Variants in SLC35F3 observed in about 807,000 individuals in gnomAD.
SLC35F3 encodes solute carrier family 35 member F3, also known as putative thiamine transporter SLC35F3.
In SLC35F3, 25 loss-of-function variants were observed where a neutral mutation model predicts 49.9. That is an observed-to-expected ratio of 0.50 (90% CI 0.37 to 0.70). The LOEUF (loss-of-function observed/expected upper bound fraction) is 0.70, where lower values mean the gene tolerates loss of function less well. SLC35F3 is among the 30% of genes least tolerant of loss of function. The pLI, the probability that SLC35F3 is intolerant of heterozygous loss-of-function variation, is 0.00. For synonymous variants in SLC35F3, 275 were observed against 265.4 expected (o/e 1.04, Z -0.35); for missense variants, 525 against 639.8 (o/e 0.82, Z 1.94).
At chr1:234,076,149 C>T (rs1664788413) in intron 2 of SLC35F3, among the ~76,000 whole-genome samples, 1 of 152,042 alleles carries the variant, frequency 6.6e-6, no homozygotes, top group African/African-American at 2.4e-5. Flanking sequence ...GGCAATAATT[C>T]ACTCCTCGGT....
chr1:234,205,144 C>A (rs1666951282), intron 2 of SLC35F3, among the ~76,000 whole-genome samples: 1 of 152,190 alleles, frequency 6.6e-6, no homozygotes, highest in African/African-American at 2.4e-5. Context: ...CCAATAGGGT[C>A]ATTTGGCAAT....
rs1664000109 is a variant in SLC35F3 at position 234,027,782 on chromosome 1, C to T, written c.283+122024C>T. On this transcript the variant is annotated intron_variant, in intron 2 of 7. Coordinates refer to ENST00000366618, the MANE Select transcript of SLC35F3 (RefSeq NM_173508.4). The surrounding 1 kb of genome is among the most constrained non-coding windows in gnomAD (Gnocchi z 4.1). ...ACTGGGAGCCTGCGCCAGTTTAGCA[C>T]TGGGTATTTAGCAGGGAACACAATG... 6.6e-6 allele frequency among the ~76,000 whole-genome samples: 1 copy of T among 152,152 alleles called. No homozygotes were observed. Among genetic ancestry groups the T allele is most frequent in the African/African-American group, 2.4e-5 (1 of 41,430 alleles).
chr1:234,228,376 G>T (rs1185993371), intron 2 of SLC35F3, among the ~76,000 whole-genome samples: 1 of 152,148 alleles, frequency 6.6e-6, no homozygotes, highest in African/African-American at 2.4e-5. Flanking sequence ...CTGTTATATA[G>T]TCAGAATCTC....
intron 2 of SLC35F3, among the ~76,000 whole-genome samples, chr1:234,117,811 G>A (rs1428831608): frequency 3.3e-5 from 5 of 151,098 alleles, no homozygotes; most frequent in African/African-American, 4.9e-5. Context: ...GTGTGAACCC[G>A]GCAGGCGGAG....
rs201857216 is a variant in SLC35F3, at chr1:234,267,903, CG to C, written c.608+36165del. ...CCCCACATCTCAGACGATGGGCTGC[CG>C]GGCAGAGACGCTCCTCACTTCCTAG... On this transcript the variant is annotated intron_variant, in intron 3 of 7. Transcript: ENST00000366618. Among the ~76,000 whole-genome samples, 332 of 142,754 alleles carry C rather than the reference CG, an allele frequency of 2.3e-3. 16 individuals are homozygous for C. In the East Asian group the frequency reaches 0.055, roughly 24 times the overall value. The allele number at this position is 142,754 out of a possible 152,430, so 93.7% of individuals were successfully genotyped here.
chr1:234,215,366 T>G (rs539958850), intron 2 of SLC35F3, among the ~76,000 whole-genome samples: 51 of 152,210 alleles, frequency 3.4e-4, no homozygotes, highest in African/African-American at 1.2e-3. Flanking sequence ...CTAAGGGGCC[T>G]TGCTTTCCAA....
intron 3 of SLC35F3, among the ~76,000 whole-genome samples, chr1:234,240,666 A>AATG (rs1336708191): frequency 6.6e-6 from 1 of 152,152 alleles, no homozygotes; most frequent in Non-Finnish European, 1.5e-5. Context: ...GAGGTCCTAA[A>AATG]ATGATGATGA....
chr1:234,231,730 G>A lies in SLC35F3; in HGVS notation c.597G>A (p.Lys199=), dbSNP rs566203708. 2.9e-5 allele frequency: 46 copies of A among 1,608,860 alleles called. No homozygotes were observed. Among genetic ancestry groups the A allele is most frequent in the Admixed American group, 1.8e-4 (11 of 59,866 alleles). ...AGTCCACAGAGAAGCAGTCTGTGAA[G>A]CAGCGATACAGGTAGGCGCGTCCTG... The part of the protein sequence containing the change: ...VCKSTEKQSV[K]QRYRECCRFF... Residue 199 remains lysine (K), a synonymous_variant, in exon 3 of 8, where the codon AAG becomes AAA. Coordinates refer to ENST00000366618, the MANE Select transcript of SLC35F3 (RefSeq NM_173508.4). The surrounding 1 kb of genome is among the most constrained non-coding windows in gnomAD (Gnocchi z 5.4).
At chr1:234,167,792 A>G (rs1005657318) in intron 2 of SLC35F3, among the ~76,000 whole-genome samples, 22 of 152,150 alleles carry the variant, frequency 1.4e-4, no homozygotes, top group Admixed American at 2.6e-4. Flanking sequence ...ATCCCATTCT[A>G]CAGATAAGAA....
intron 2 of SLC35F3, among the ~76,000 whole-genome samples, chr1:234,127,721 G>T (rs949055402): frequency 6.7e-6 from 1 of 150,240 alleles, no homozygotes; most frequent in Non-Finnish European, 1.5e-5. Flanking sequence ...TTAAAAATAT[G>T]ATGAGATTTT....
chr1:234,310,359 C>T (rs999434822), intron 4 of SLC35F3, among the ~76,000 whole-genome samples: 9 of 152,320 alleles, frequency 5.9e-5, no homozygotes, highest in Middle Eastern at 3.4e-3. Flanking sequence ...TGACATCACC[C>T]TAATGGTGCA....
chr1:233,908,210 ATTCT>A (rs372916165), intron 2 of SLC35F3, among the ~76,000 whole-genome samples: 5 of 152,186 alleles, frequency 3.3e-5, no homozygotes, highest in East Asian at 3.9e-4. Context: ...AAAAAAAAAA[ATTCT>A]CATGATCTCC....
At chr1:234,075,225 C>T (rs915703933) in intron 2 of SLC35F3, among the ~76,000 whole-genome samples, 9 of 152,220 alleles carry the variant, frequency 5.9e-5, no homozygotes, top group Admixed American at 3.9e-4. Flanking sequence ...GAACCAAAAA[C>T]GGACCTTGGG....
intron 2 of SLC35F3, among the ~76,000 whole-genome samples, chr1:234,035,190 G>A (rs978073537): frequency 1.3e-5 from 2 of 152,060 alleles, no homozygotes; most frequent in Non-Finnish European, 2.9e-5. Context: ...AGAGAAAGGG[G>A]GCATGGAAGT....
At chr1:234,051,932 TG>T (rs1416849195) in intron 2 of SLC35F3, among the ~76,000 whole-genome samples, 4 of 152,226 alleles carry the variant, frequency 2.6e-5, no homozygotes, top group Non-Finnish European at 5.9e-5. Flanking sequence ...GTTTAAGTGA[TG>T]GATTACGTTT....
chr1:234,072,988 G>A (rs371015542), intron 2 of SLC35F3, among the ~76,000 whole-genome samples: 4 of 152,188 alleles, frequency 2.6e-5, no homozygotes, highest in East Asian at 1.9e-4. Context: ...GAGACCTGGC[G>A]AGGGTGTTTG....
At chr1:234,268,570 CA>C (rs980621046) in intron 3 of SLC35F3, 1 of 152,184 alleles carries the variant, frequency 6.6e-6, no homozygotes, top group East Asian at 1.9e-4. Context: ...AGAAACTGTA[CA>C]AAAAAGAATG....
intron 2 of SLC35F3, among the ~76,000 whole-genome samples, chr1:234,048,058 A>G (rs1664320654): frequency 6.6e-6 from 1 of 152,154 alleles, no homozygotes; most frequent in Admixed American, 6.5e-5. Flanking sequence ...TTATAAAGTG[A>G]CAAAGAACTT....
intron 3 of SLC35F3, among the ~76,000 whole-genome samples, chr1:234,298,144 T>C (rs1028961871): frequency 2.6e-5 from 4 of 152,216 alleles, no homozygotes; most frequent in Non-Finnish European, 5.9e-5. Flanking sequence ...AGACAGGTTT[T>C]TTTTGAGAAA....
Sources: allele counts gnomAD v4.1 joint callset (sites outside exome capture counted in the v4.1 genomes callset), GRCh38; gene constraint gnomAD v4.1.1; non-coding constraint Gnocchi (gnomAD v3.1); transcripts MANE v1.5; gene names NCBI Gene and HGNC (gene_info 2026-07-23, HGNC 2026-07-21).